The following CCDC172 variants were observed in gnomAD, a reference collection of about 807,000 sequenced individuals.
The protein encoded by CCDC172 is coiled-coil domain containing 172.
Under a neutral mutation model 38.0 loss-of-function variants are expected in CCDC172, and 30 were observed. The ratio of observed to expected loss-of-function variants is 0.79; its 90% CI spans 0.59 to 1.07. The LOEUF (loss-of-function observed/expected upper bound fraction) is 1.07. CCDC172 is among the 50% of genes least tolerant of loss of function. CCDC172 has a pLI of 0.00. For synonymous variants in CCDC172, 78 were observed against 88.3 expected (o/e 0.88, Z 0.66); for missense variants, 297 against 290.1 (o/e 1.02, Z -0.17).
At chr10:116,360,105 C>T (rs1421792961) in intron 7 of CCDC172, among the ~76,000 whole-genome samples, 2 of 152,148 alleles carry the variant, frequency 1.3e-5, no homozygotes, top group Non-Finnish European at 2.9e-5. Flanking sequence ...AAGTGTGTAA[C>T]TAACACACAT....
intron 3 of CCDC172, among the ~76,000 whole-genome samples, chr10:116,332,456 G>A (rs1844675485): frequency 6.6e-6 from 1 of 152,058 alleles, no homozygotes; most frequent in Non-Finnish European, 1.5e-5. Context: ...GGAGGAAGTT[G>A]TGAATGACAG....
At chr10:116,344,297 C>A (rs955798918) in intron 5 of CCDC172, among the ~76,000 whole-genome samples, 2 of 152,140 alleles carry the variant, frequency 1.3e-5, no homozygotes, top group Non-Finnish European at 1.5e-5. Flanking sequence ...TTACACAAAC[C>A]TGGATGGGAT....
At chr10:116,357,734 A>C (rs1845016468) in intron 6 of CCDC172, 102 bp from the exon 7 acceptor site, 1 of 705,772 alleles carries the variant, frequency 1.4e-6, no homozygotes, top group African/African-American at 1.9e-5. Context: ...TATAAATTTT[A>C]TATGCAAGCA....
At chr10:116,324,748 CG>C (rs1164639651) in intron 1 of CCDC172, 135 bp downstream of exon 1, 1 of 456,868 alleles carries the variant, frequency 2.2e-6, no homozygotes, top group Non-Finnish European at 3.9e-6. Context: ...GAGAAAAGCC[CG>C]GTTTGTAAAC....
chr10:116,355,734 A>G (rs1334561969), intron 5 of CCDC172, among the ~76,000 whole-genome samples: 1 of 152,210 alleles, frequency 6.6e-6, no homozygotes, highest in South Asian at 2.1e-4. Flanking sequence ...CACATATTGT[A>G]TGATTCCATT....
intron 7 of CCDC172, among the ~76,000 whole-genome samples, chr10:116,367,409 G>A (rs1358976018): frequency 2.6e-5 from 4 of 152,078 alleles, no homozygotes; most frequent in Admixed American, 2.6e-4. Flanking sequence ...AAAATTAGAG[G>A]CCAGGCGCGG....
intron 5 of CCDC172, among the ~76,000 whole-genome samples, chr10:116,350,268 C>T (rs1217647874): frequency 6.6e-6 from 1 of 152,108 alleles, no homozygotes; most frequent in Middle Eastern, 3.2e-3. Context: ...GAGGTAAAAG[C>T]AGAAACGGAA....
intron 7 of CCDC172, among the ~76,000 whole-genome samples, chr10:116,363,839 G>A (rs1474196450): frequency 6.6e-6 from 1 of 151,560 alleles, no homozygotes; most frequent in Non-Finnish European, 1.5e-5. Context: ...GCTGAGGCAG[G>A]AGAATCTCTT....
intron 3 of CCDC172, among the ~76,000 whole-genome samples, chr10:116,332,673 T>C (rs1297134207): frequency 5.3e-5 from 8 of 152,146 alleles, no homozygotes; most frequent in Admixed American, 5.2e-4. Flanking sequence ...TGTTAGGTTT[T>C]GTTTTCTTCC....
At chr10:116,359,225 C>T (rs556866436) in intron 7 of CCDC172, among the ~76,000 whole-genome samples, 14 of 152,166 alleles carry the variant, frequency 9.2e-5, no homozygotes, top group Non-Finnish European at 1.8e-4. Flanking sequence ...ATCAGTCTTA[C>T]AATTAATGCA....
At chr10:116,330,819 A>G (rs1045712658) in intron 3 of CCDC172, among the ~76,000 whole-genome samples, 3 of 152,080 alleles carry the variant, frequency 2.0e-5, no homozygotes, top group East Asian at 3.9e-4. Context: ...CTGCAACCTC[A>G]AACTCCTGGC....
At chr10:116,371,024 T>A (rs896737817) in intron 7 of CCDC172, among the ~76,000 whole-genome samples, 1 of 151,856 alleles carries the variant, frequency 6.6e-6, no homozygotes, top group Non-Finnish European at 1.5e-5. Flanking sequence ...CTCAAACTAT[T>A]ATGCCTCTAA....
intron 3 of CCDC172, among the ~76,000 whole-genome samples, chr10:116,329,660 C>T (rs1844634202): frequency 6.6e-6 from 1 of 152,100 alleles, no homozygotes; most frequent in Non-Finnish European, 1.5e-5. Context: ...TATGATAATA[C>T]TATACAAAGG....
At chr10:116,365,118 T>C (rs1026597923) in intron 7 of CCDC172, among the ~76,000 whole-genome samples, 12 of 152,296 alleles carry the variant, frequency 7.9e-5, no homozygotes, top group Middle Eastern at 3.4e-3. Context: ...GCATGAGATC[T>C]ACTTACCATT....
At chr10:116,328,694 G>A (rs979263687) in intron 3 of CCDC172, among the ~76,000 whole-genome samples, 3 of 151,970 alleles carry the variant, frequency 2.0e-5, no homozygotes, top group African/African-American at 4.8e-5. Flanking sequence ...AAGGAAAATT[G>A]TATTGAAATT....
chr10:116,365,520 T>C (rs913498131), intron 7 of CCDC172, among the ~76,000 whole-genome samples: 25 of 152,178 alleles, frequency 1.6e-4, no homozygotes, highest in African/African-American at 5.8e-4. Flanking sequence ...GCAGCATCCA[T>C]AGTATATTGT....
intron 3 of CCDC172, among the ~76,000 whole-genome samples, chr10:116,331,119 G>A (rs1844657390): frequency 6.6e-6 from 1 of 151,960 alleles, no homozygotes; most frequent in Admixed American, 6.6e-5. Flanking sequence ...ATTTGTTTTT[G>A]TTTTGGAAAG....
chr10:116,354,655 C>T (rs893560202), intron 5 of CCDC172, among the ~76,000 whole-genome samples: 7 of 152,226 alleles, frequency 4.6e-5, no homozygotes, highest in African/African-American at 9.6e-5. Context: ...ACCCAGGAGG[C>T]GGAGGCGGAG....
At position 116,325,329 on chromosome 10, in the gene CCDC172, GA is replaced by G; in HGVS notation, c.112del (p.Ile38LeufsTer8). The G allele has an allele frequency of 6.2e-7, 1 of 1,613,740 alleles. No homozygotes were observed. Among genetic ancestry groups the G allele is most frequent in the South Asian group, 1.1e-5 (1 of 91,026 alleles). On this transcript the variant is annotated frameshift_variant, in exon 3 of 9. Coordinates refer to ENST00000333254, the MANE Select transcript of CCDC172 (RefSeq NM_198515.3). LOFTEE classifies it high-confidence loss of function. ...EVRSEITRCR[E>X]KIKKATEELN... ...AAGGTCGGAAATAACCAGATGTCGT[GA>G]AAAAATTAAGAAAGCAACGGAGGAG...
Sources: allele counts gnomAD v4.1 joint callset (sites outside exome capture counted in the v4.1 genomes callset), GRCh38; gene constraint gnomAD v4.1.1; transcripts MANE v1.5; gene names NCBI Gene and HGNC (gene_info 2026-07-23, HGNC 2026-07-21).